Variants in ADCY2 observed in about 807,000 individuals in gnomAD.
The protein encoded by ADCY2 is adenylate cyclase 2.
In ADCY2, 31 loss-of-function variants were observed where a neutral mutation model predicts 125.2. That is an observed-to-expected ratio of 0.25 (90% CI 0.19 to 0.33). The LOEUF (loss-of-function observed/expected upper bound fraction) is 0.33. Ranked by LOEUF, ADCY2 falls within the 10% of genes least tolerant of loss-of-function variation. The probability of loss-of-function intolerance (pLI) is 1.00; values close to 1 mark genes in which losing one functional copy is unlikely to be tolerated. For synonymous variants in ADCY2, 512 were observed against 548.4 expected (o/e 0.93, Z 0.93); for missense variants, 904 against 1,418.2 (o/e 0.64, Z 5.82).
rs1319771354 is a variant in ADCY2 at position 7,414,616 on chromosome 5, C to T, written c.254C>T (p.Ala85Val). Residue 85 changes from alanine to valine, a missense_variant, in exon 2 of 25, where the codon GCC becomes GTC. Physicochemically the swap from Ala to Val is moderately conservative, Grantham distance 64. Around this residue, in one of 7 missense-constraint regions of ADCY2, gnomAD observed 121 missense variants for 161.5 expected, o/e 0.75. Transcript: ENST00000338316. ...HVAFLITVPTALAIFFAIFIL... is the reference protein window; with the variant it reads ...HVAFLITVPTVLAIFFAIFIL... ...GCGTTTCTAATAACAGTTCCAACTG[C>T]CCTGGCGATTTTCTTTGCGATATTT... 6.2e-7 allele frequency: 1 copy of T among 1,613,348 alleles called. No homozygotes were observed. Among genetic ancestry groups the T allele is most frequent in the African/African-American group, 1.3e-5 (1 of 74,876 alleles).
chr5:7,693,406 G>GTTTTTTTTTTATTTTT (rs139450063), intron 5 of ADCY2, among the ~76,000 whole-genome samples: 1 of 58,658 alleles, frequency 1.7e-5, no homozygotes, highest in Non-Finnish European at 3.6e-5. Flanking sequence ...ATTGCCTGCT[G>GTTTTTTTTTTATTTTT]TTTTTTGTTT....
intron 2 of ADCY2, among the ~76,000 whole-genome samples, chr5:7,445,577 A>T (rs1741215216): frequency 6.6e-6 from 1 of 152,210 alleles, no homozygotes; most frequent in Non-Finnish European, 1.5e-5. Flanking sequence ...CCTAAAGAGA[A>T]GTGGTGACTT....
rs538857724 is a variant in ADCY2 at position 7,633,298 on chromosome 5, G to A, written c.720+6982G>A. Among the ~76,000 whole-genome samples, 9 of 151,974 alleles carry A rather than the reference G, an allele frequency of 5.9e-5. No individual in the cohort carries two copies. In the South Asian group the frequency reaches 1.9e-3, roughly 32 times the overall value. ...ATACAAAAATTAGCTGGGTGTGGTG[G>A]TGGGCACCTGGAATCCCAGCTACTC... On this transcript the variant is annotated intron_variant, in intron 4 of 24. Coordinates refer to ENST00000338316, the MANE Select transcript of ADCY2 (RefSeq NM_020546.3).
chr5:7,476,473 G>A (rs531547450), intron 2 of ADCY2, among the ~76,000 whole-genome samples: 45 of 152,294 alleles, frequency 3.0e-4, no homozygotes, highest in Middle Eastern at 6.8e-3. Context: ...CAGGGACTCA[G>A]GAAGAAAGTC....
At position 7,635,436 on chromosome 5, in the gene ADCY2, A is replaced by G. The variant is rs575366826; in HGVS notation, c.720+9120A>G. Among the ~76,000 whole-genome samples the G allele has an allele frequency of 9.1e-4, 138 of 152,304 alleles. 6 individuals are homozygous for G. In the South Asian group the frequency reaches 0.026, roughly 29 times the overall value. Reference sequence around the variant, plus strand: ...ATTAGCTGCTGAGTGAAATAAAAATAAAATAATGAAGAGAACTTTCTGGGG... The same window carrying G: ...ATTAGCTGCTGAGTGAAATAAAAATGAAATAATGAAGAGAACTTTCTGGGG... On this transcript the variant is annotated intron_variant, in intron 4 of 24. Coordinates refer to ENST00000338316, the MANE Select transcript of ADCY2 (RefSeq NM_020546.3).
intron 2 of ADCY2, among the ~76,000 whole-genome samples, chr5:7,480,937 A>G (rs891739460): frequency 2.0e-5 from 3 of 152,178 alleles, no homozygotes; most frequent in Non-Finnish European, 2.9e-5. Flanking sequence ...TAGTGCTGCA[A>G]TAAACATGGG....
In ADCY2 at chr5:7,520,769, T is replaced by C. The variant is rs752355618; in HGVS notation, c.440T>C (p.Val147Ala). 7 of 1,614,094 alleles carry C rather than the reference T, an allele frequency of 4.3e-6. No individual in the cohort carries two copies. The African/African-American group carries it at 5.3e-5, about 12-fold the overall frequency. ...VSFFLFIIFV[V>A]YTMLPFNMRD... ...TTCTTCCTCTTCATCATCTTCGTGG[T>C]GTACACCATGCTGCCCTTCAACATG... Residue 147 changes from valine (V) to alanine (A), a missense_variant, in exon 3 of 25, where the codon GTG becomes GCG. Transcript: ENST00000338316.
At chr5:7,805,717 G>A (rs1267631908) in intron 22 of ADCY2, among the ~76,000 whole-genome samples, 2 of 152,174 alleles carry the variant, frequency 1.3e-5, no homozygotes, top group East Asian at 3.9e-4. Flanking sequence ...GTGAGAGTGG[G>A]GAGAGAGGCA....
intron 2 of ADCY2, among the ~76,000 whole-genome samples, chr5:7,502,271 A>G (rs1218344160): frequency 2.6e-5 from 4 of 152,150 alleles, no homozygotes; most frequent in African/African-American, 9.7e-5. Context: ...CAGTCCCCAG[A>G]TTAAGGCAGG....
chr5:7,417,551 C>T (rs1163138272), intron 2 of ADCY2, among the ~76,000 whole-genome samples: 2 of 152,108 alleles, frequency 1.3e-5, no homozygotes, highest in Non-Finnish European at 2.9e-5. Flanking sequence ...TGGAAGATTC[C>T]AGTAATACAA....
At chr5:7,737,143 T>C (rs1742273787) in intron 14 of ADCY2, among the ~76,000 whole-genome samples, 1 of 152,166 alleles carries the variant, frequency 6.6e-6, no homozygotes, top group African/African-American at 2.4e-5. Context: ...TGGATTAGGC[T>C]CCAATAAAGA....
At chr5:7,706,599 G>T (rs113963776) in intron 7 of ADCY2, 145 bp from the exon 8 acceptor site, 19 of 861,190 alleles carry the variant, frequency 2.2e-5, no homozygotes, top group African/African-American at 1.5e-4. Flanking sequence ...TTAGCTCAGA[G>T]GAGTGATCTC....
At chr5:7,565,801 C>T (rs879376598) in intron 3 of ADCY2, among the ~76,000 whole-genome samples, 9 of 152,158 alleles carry the variant, frequency 5.9e-5, no homozygotes, top group South Asian at 2.1e-4. Context: ...CCTAAGAAAC[C>T]GCATTGCCAA....
chr5:7,587,768 G>C (rs76650362), intron 3 of ADCY2, among the ~76,000 whole-genome samples: 1 of 152,188 alleles, frequency 6.6e-6, no homozygotes, highest in Non-Finnish European at 1.5e-5. Flanking sequence ...GAAAGATTTG[G>C]AGAAGGAGCA....
chr5:7,774,836 T>G (rs1169824945), intron 18 of ADCY2, among the ~76,000 whole-genome samples: 2 of 152,224 alleles, frequency 1.3e-5, no homozygotes, highest in Non-Finnish European at 2.9e-5. Context: ...TGTCTCTCAC[T>G]TCCTAATTTT....
At chr5:7,463,806 C>G (rs1482754201) in intron 2 of ADCY2, among the ~76,000 whole-genome samples, 1 of 152,012 alleles carries the variant, frequency 6.6e-6, no homozygotes, top group African/African-American at 2.4e-5. Flanking sequence ...TTCTTGGAGA[C>G]AGTGGTTTCA....
intron 2 of ADCY2, among the ~76,000 whole-genome samples, chr5:7,493,768 G>A (rs1020508087): frequency 3.9e-5 from 6 of 152,128 alleles, no homozygotes; most frequent in African/African-American, 1.2e-4. Context: ...TACAACAACT[G>A]CTCTGAGATA....
intron 2 of ADCY2, among the ~76,000 whole-genome samples, chr5:7,468,590 A>G (rs999757395): frequency 2.6e-5 from 4 of 152,184 alleles, no homozygotes; most frequent in African/African-American, 9.7e-5. Context: ...CACCAATCAC[A>G]AAAGTTTGTT....
intron 2 of ADCY2, among the ~76,000 whole-genome samples, chr5:7,495,483 G>A (rs1483374096): frequency 6.6e-6 from 1 of 152,204 alleles, no homozygotes; most frequent in Non-Finnish European, 1.5e-5. Flanking sequence ...CTTAATATCA[G>A]AAATTTTGTT....
Sources: gnomAD v4.1 joint callset for allele counts (sites outside exome capture counted in the v4.1 genomes callset) on GRCh38, gnomAD v4.1.1 for gene constraint, gnomAD v4.1.1 regional missense constraint, MANE v1.5 for transcripts, NCBI Gene and HGNC (gene_info 2026-07-23, HGNC 2026-07-21) for gene names.